Variants in SQSTM1 observed in about 807,000 individuals in gnomAD.
SQSTM1 encodes sequestosome-1.
A neutral mutation model predicts 45.1 loss-of-function variants in SQSTM1; 36 were observed. The ratio of observed to expected loss-of-function variants is 0.80; its 90% CI spans 0.61 to 1.05. SQSTM1 has a LOEUF of 1.05. SQSTM1 is among the 50% of genes least tolerant of loss of function. The probability of loss-of-function intolerance (pLI) is 0.00; values close to 1 mark genes in which losing one functional copy is unlikely to be tolerated. For missense variants in SQSTM1, 617 were observed against 607.1 expected, an observed-to-expected ratio of 1.02 and a Z score of -0.17; for synonymous variants, 290 against 244.3, an observed-to-expected ratio of 1.19 and a Z score of -1.74.
Position 179,836,702 on chromosome 5 carries a change from G to A in SQSTM1, c.*109G>A, listed in dbSNP as rs771468767. On this transcript the variant is annotated 3_prime_UTR_variant, in exon 8 of 8. Coordinates refer to ENST00000389805, the MANE Select transcript of SQSTM1 (RefSeq NM_003900.5). ...GGCCAGTTTCTCTGCCTTCTTCCAG[G>A]ATCAGGGGTTAGGGTGCAAGAAGCC... The A allele has an allele frequency of 6.4e-6, 10 of 1,555,102 alleles. No individual in the cohort carries two copies. The East Asian group carries it at 2.2e-4, about 35-fold the overall frequency.
chr5:179,829,018 G>C (rs1398450117), intron 5 of SQSTM1, among the ~76,000 whole-genome samples: 1 of 152,138 alleles, frequency 6.6e-6, no homozygotes, highest in Admixed American at 6.6e-5. Flanking sequence ...GGGAGTGATC[G>C]GGGGACAGGA....
chr5:179,808,950 C>T (rs1757305716), intron 1 of SQSTM1, among the ~76,000 whole-genome samples: 1 of 151,266 alleles, frequency 6.6e-6, no homozygotes, highest in African/African-American at 2.4e-5. Context: ...CTCCGCCTCC[C>T]ACCTTCACCC....
intron 5 of SQSTM1, among the ~76,000 whole-genome samples, chr5:179,825,741 G>A (rs1177234986): frequency 2.6e-5 from 4 of 152,314 alleles, no homozygotes; most frequent in Non-Finnish European, 4.4e-5. Context: ...CCCGGTTCTG[G>A]TGCCTCAGGT....
intron 5 of SQSTM1, among the ~76,000 whole-genome samples, chr5:179,832,039 T>C (rs1043410611): frequency 1.3e-5 from 2 of 152,180 alleles, no homozygotes; most frequent in Admixed American, 1.3e-4. Context: ...CGCCTCGGCC[T>C]CCCAAAGTGC....
upstream of SQSTM1, among the ~76,000 whole-genome samples, chr5:179,819,522 CG>C (rs1289431432): frequency 1.3e-5 from 2 of 152,230 alleles, no homozygotes; most frequent in East Asian, 3.9e-4. Context: ...GGGCCATAGC[CG>C]GGGGCTGGGG....
At chr5:179,821,225 G>A (rs942016657) in intron 1 of SQSTM1, 84 bp downstream of exon 1, 2 of 1,233,054 alleles carry the variant, frequency 1.6e-6, no homozygotes, top group African/African-American at 1.6e-5. Context: ...CTCCCTTCTC[G>A]GCGACGCCTG....
At position 179,824,036 on chromosome 5, in the gene SQSTM1, C is replaced by T. The variant is rs1345660934; in HGVS notation, c.480C>T (p.His160=). ...LCSVCEGKGL[H]RGHTKLAFPS... ...GCGTCTGCGAGGGAAAGGGCTTGCA[C>T]CGGGGGCACACCAAGCTCGCATTCC... Residue 160 remains histidine (H), a synonymous_variant, in exon 3 of 8, where the codon CAC becomes CAT. Transcript: ENST00000389805. 5 of 1,613,888 alleles carry T rather than the reference C, an allele frequency of 3.1e-6. No homozygotes were observed. Among genetic ancestry groups the T allele is most frequent in the Non-Finnish European group, 3.4e-6 (4 of 1,180,048 alleles).
chr5:179,819,329 C>T (rs1364357784), upstream of SQSTM1, among the ~76,000 whole-genome samples: 8 of 119,178 alleles, frequency 6.7e-5, 1 homozygote, highest in Non-Finnish European at 1.1e-4. Context: ...CCTCCCCGCC[C>T]CCCCCCCAGT....
At chr5:179,817,182 C>T (rs901653271), upstream of SQSTM1, among the ~76,000 whole-genome samples, 1 of 152,204 alleles carries the variant, frequency 6.6e-6, no homozygotes, top group Non-Finnish European at 1.5e-5. Context: ...CCACGGGCGG[C>T]CCGCGCCCCG....
At chr5:179,823,485 T>G in intron 2 of SQSTM1, 1 of 227,152 alleles carries the variant, frequency 4.4e-6, no homozygotes, top group East Asian at 1.2e-4. Context: ...AAAAAAGACA[T>G]TTTAAGTGCT....
In SQSTM1 at chr5:179,837,988, A is replaced by G; in HGVS notation, c.*1395A>G. On this transcript the variant is annotated 3_prime_UTR_variant, in exon 8 of 8. Transcript: ENST00000389805. ...CCTTGGCTGGGCCTCTGGTTCTGAC[A>G]CTTTCTGCTGGAAGCTGTCAGGCTG... is the stretch of plus-strand genomic sequence containing the variant. The G allele has an allele frequency of 2.7e-6, 3 of 1,118,070 alleles. No individual in the cohort carries two copies. Among genetic ancestry groups the G allele is most frequent in the Non-Finnish European group, 3.8e-6 (3 of 794,384 alleles). The allele number at this position is 1,118,070 out of a possible 1,614,324, so 69.3% of individuals were successfully genotyped here.
At chr5:179,825,562 T>G (rs529683042) in intron 5 of SQSTM1, among the ~76,000 whole-genome samples, 1 of 152,350 alleles carries the variant, frequency 6.6e-6, no homozygotes, top group East Asian at 1.9e-4. Context: ...CAATTTCCCC[T>G]AAGCCAGGCC....
Position 179,835,006 on chromosome 5 carries a change from G to A in SQSTM1, c.1165+1224G>A, listed in dbSNP as rs61163336. ...CGGGCAGAGGCGCCCCTCACATCCC[G>A]GACGGGGTGGCTGCCGGGCGGAGGG... On this transcript the variant is annotated intron_variant, in intron 7 of 7. Coordinates refer to ENST00000389805, the MANE Select transcript of SQSTM1 (RefSeq NM_003900.5). 7.5e-3 allele frequency: 1,591 copies of A among 211,238 alleles called. 13 individuals are homozygous for A. Among genetic ancestry groups the A allele is most frequent in the South Asian group, 0.018 (355 of 20,220 alleles). 13.1% of individuals were successfully genotyped at this position (211,238 alleles called of 1,614,324 possible). A position where few individuals can be genotyped will look rare whatever the true frequency, so the allele number is the denominator to read the frequency against.
rs76955433 is a variant in SQSTM1 at position 179,822,531 on chromosome 5, C to T, written c.206-427C>T. ...ATGCCCTTGTCTTCTCCTTTACTCC[C>T]AAGCCACTAGAAGTCTAAGGCCTTT... is the stretch of plus-strand genomic sequence containing the variant. On this transcript the variant is annotated intron_variant, in intron 1 of 7. Transcript: ENST00000389805. The T allele has an allele frequency of 2.8e-3, 819 of 297,226 alleles. 3 individuals are homozygous for T. The highest frequency in any genetic ancestry group is 0.017 in the African/African-American group (767 of 46,178). 18.4% of individuals were successfully genotyped at this position (297,226 alleles called of 1,614,324 possible).
intron 5 of SQSTM1, among the ~76,000 whole-genome samples, chr5:179,830,972 G>A (rs1758187066): frequency 6.6e-6 from 1 of 152,180 alleles, no homozygotes; most frequent in Non-Finnish European, 1.5e-5. Context: ...AAAGTGTTAG[G>A]ATTACATGCA....
intron 6 of SQSTM1, 23 bp downstream of exon 6, chr5:179,833,269 A>C: frequency 1.3e-6 from 2 of 1,548,168 alleles, no homozygotes; most frequent in Non-Finnish European, 1.7e-6. Context: ...CCCTCCCGCC[A>C]CCTGGGACCA....
In SQSTM1 at chr5:179,836,446, G is replaced by A. The variant is rs75700262; in HGVS notation, c.1176G>A (p.Pro392=). The change falls in exon 8 of 8, where the codon CCG becomes CCA. Residue 392 remains proline, a synonymous_variant. Coordinates refer to ENST00000389805, the MANE Select transcript of SQSTM1 (RefSeq NM_003900.5). ...LYPHLPPEAD[P]RLIESLSQML... ...TTACTGTTTCGGCAGAGGCTGACCCGCGGCTGATTGAGTCCCTCTCCCAGA... is the reference window on the plus strand; with the variant it reads ...TTACTGTTTCGGCAGAGGCTGACCCACGGCTGATTGAGTCCCTCTCCCAGA... The A allele has an allele frequency of 5.4e-4, 878 of 1,614,160 alleles. 9 individuals carry two copies. The East Asian group carries it at 0.015, about 28-fold the overall frequency.
At position 179,836,548 on chromosome 5, in the gene SQSTM1, G is replaced by A. The variant is rs143977783; in HGVS notation, c.1278G>A (p.Ala426=). ...LLQTKNYDIG[A]ALDTIQYSKH... Reference sequence around the variant, plus strand: ...AGACCAAGAACTATGACATCGGAGCGGCTCTGGACACCATCCAGTATTCAA... The same window carrying A: ...AGACCAAGAACTATGACATCGGAGCAGCTCTGGACACCATCCAGTATTCAA... Residue 426 remains alanine, a synonymous_variant, in exon 8 of 8, where the codon GCG becomes GCA. Coordinates refer to ENST00000389805, the MANE Select transcript of SQSTM1 (RefSeq NM_003900.5). 3.3e-4 allele frequency: 539 copies of A among 1,614,042 alleles called. No homozygotes were observed. The highest frequency in any genetic ancestry group is 9.2e-4 in the Admixed American group (55 of 59,994).
At chr5:179,817,135 C>T (rs1216011155), upstream of SQSTM1, among the ~76,000 whole-genome samples, 2 of 140,346 alleles carry the variant, frequency 1.4e-5, no homozygotes, top group Admixed American at 6.9e-5. Flanking sequence ...CGTCGCCGCT[C>T]GGGTGGGGTG....
Sources: gnomAD v4.1 joint callset for allele counts (sites outside exome capture counted in the v4.1 genomes callset) on GRCh38, gnomAD v4.1.1 for gene constraint, MANE v1.5 for transcripts, NCBI Gene and HGNC (gene_info 2026-07-23, HGNC 2026-07-21) for gene names.